NKAIN2: variants seen among roughly 807,000 people sequenced by gnomAD.
NKAIN2 encodes sodium/potassium transporting ATPase interacting 2, also known as sodium/potassium-transporting ATPase subunit beta-1-interacting protein 2.
NKAIN2 carries 14 observed loss-of-function variants against 32.6 expected under a neutral mutation model. The observed-to-expected ratio is 0.43, with a 90% confidence interval of 0.28 to 0.67. The LOEUF is 0.67. NKAIN2 is among the 30% of genes least tolerant of loss of function. The pLI is 0.17. For synonymous variants in NKAIN2, 80 were observed against 87.2 expected (o/e 0.92, Z 0.46); for missense variants, 198 against 258.3 (o/e 0.77, Z 1.60).
intron 1 of NKAIN2, among the ~76,000 whole-genome samples, chr6:124,256,760 A>T (rs1279792773): frequency 2.0e-5 from 3 of 152,172 alleles, no homozygotes; most frequent in Non-Finnish European, 4.4e-5. Flanking sequence ...GATACATTGT[A>T]AACACTAATA....
chr6:124,039,617 G>C (rs1200036829), intron 1 of NKAIN2, among the ~76,000 whole-genome samples: 1 of 151,404 alleles, frequency 6.6e-6, no homozygotes, highest in African/African-American at 2.4e-5. Context: ...TCAAAAATTG[G>C]GCATTTAATT....
chr6:124,681,475 T>G (rs186088422), intron 4 of NKAIN2, among the ~76,000 whole-genome samples: 1 of 152,070 alleles, frequency 6.6e-6, no homozygotes, highest in Non-Finnish European at 1.5e-5. Flanking sequence ...AGAGAATAAT[T>G]AATAGCTTGA....
At chr6:124,807,040 G>A (rs1164879346) in intron 5 of NKAIN2, among the ~76,000 whole-genome samples, 2 of 151,860 alleles carry the variant, frequency 1.3e-5, no homozygotes, top group African/African-American at 4.8e-5. Context: ...ATTAATAATG[G>A]GAGACTTTAA....
intron 4 of NKAIN2, among the ~76,000 whole-genome samples, chr6:124,693,358 G>A (rs1464781689): frequency 6.6e-6 from 1 of 152,182 alleles, no homozygotes; most frequent in Admixed American, 6.5e-5. Flanking sequence ...GCTTAGGTGT[G>A]TAGTGACCTA....
At chr6:124,264,416 T>C (rs1794391695) in intron 1 of NKAIN2, among the ~76,000 whole-genome samples, 1 of 152,186 alleles carries the variant, frequency 6.6e-6, no homozygotes, top group South Asian at 2.1e-4. Flanking sequence ...TATTAAACTT[T>C]GAAAGGTTAT....
chr6:124,787,033 C>T (rs890275725), intron 4 of NKAIN2, among the ~76,000 whole-genome samples: 2 of 151,986 alleles, frequency 1.3e-5, no homozygotes, highest in Non-Finnish European at 2.9e-5. Context: ...TCCATCTCTC[C>T]GTACCCCTCT....
intron 1 of NKAIN2, among the ~76,000 whole-genome samples, chr6:124,009,764 G>T (rs1780237578): frequency 6.6e-6 from 1 of 152,184 alleles, no homozygotes; most frequent in Non-Finnish European, 1.5e-5. Context: ...AATGCATGGT[G>T]CTGAGTAGAC....
chr6:123,813,685 G>A (rs1367006672), intron 1 of NKAIN2, among the ~76,000 whole-genome samples: 1 of 152,006 alleles, frequency 6.6e-6, no homozygotes, highest in African/African-American at 2.4e-5. Flanking sequence ...GGTGTTGCGT[G>A]CCTGTAGTCT....
intron 4 of NKAIN2, among the ~76,000 whole-genome samples, chr6:124,699,575 A>C (rs1316008964): frequency 1.3e-5 from 2 of 152,124 alleles, no homozygotes; most frequent in East Asian, 3.9e-4. Context: ...CTTGTAATAG[A>C]GAGTTCTCAT....
intron 1 of NKAIN2, among the ~76,000 whole-genome samples, chr6:124,176,952 C>CT (rs1789187350): frequency 6.6e-6 from 1 of 151,964 alleles, no homozygotes; most frequent in South Asian, 2.1e-4. Flanking sequence ...CCTAGTATGA[C>CT]TTTTTTAAAA....
intron 3 of NKAIN2, among the ~76,000 whole-genome samples, chr6:124,393,500 C>T (rs922589022): frequency 6.6e-6 from 1 of 152,128 alleles, no homozygotes; most frequent in Non-Finnish European, 1.5e-5. Context: ...CGCTTCTTCT[C>T]TCTAAAGTTA....
chr6:123,947,195 C>T (rs990361131), intron 1 of NKAIN2, among the ~76,000 whole-genome samples: 11 of 152,126 alleles, frequency 7.2e-5, no homozygotes, highest in Non-Finnish European at 1.5e-4. Context: ...CCTTTGTCTT[C>T]AGATCAGGTC....
intron 1 of NKAIN2, among the ~76,000 whole-genome samples, chr6:124,144,365 T>A (rs191105013): frequency 9.2e-4 from 140 of 152,152 alleles, no homozygotes; most frequent in Non-Finnish European, 6.8e-4. Context: ...ATGAAAGAGG[T>A]GACATTGCGT....
At chr6:124,547,966 T>A (rs112310046) in intron 3 of NKAIN2, among the ~76,000 whole-genome samples, 70 of 152,324 alleles carry the variant, frequency 4.6e-4, no homozygotes, top group African/African-American at 1.6e-3. Context: ...TTTGTTTCAA[T>A]ACTGTCATAC....
chr6:124,379,083 C>G (rs1249754076), intron 3 of NKAIN2, among the ~76,000 whole-genome samples: 2 of 139,410 alleles, frequency 1.4e-5, no homozygotes, highest in Non-Finnish European at 3.1e-5. Context: ...CAGAGCGAAA[C>G]CTTGTCTCAA....
intron 1 of NKAIN2, among the ~76,000 whole-genome samples, chr6:123,888,750 T>C (rs545640417): frequency 6.6e-6 from 1 of 152,296 alleles, no homozygotes; most frequent in African/African-American, 2.4e-5. Flanking sequence ...TATATATTTA[T>C]TCCTTTCAAA....
intron 1 of NKAIN2, among the ~76,000 whole-genome samples, chr6:124,240,674 G>A (rs1389892783): frequency 2.0e-5 from 3 of 151,966 alleles, no homozygotes; most frequent in African/African-American, 7.2e-5. Flanking sequence ...ATGCAGAAAA[G>A]GCCTTCAAAA....
chr6:124,489,609 T>A (rs974282248), intron 3 of NKAIN2, among the ~76,000 whole-genome samples: 2 of 151,928 alleles, frequency 1.3e-5, no homozygotes, highest in Admixed American at 6.6e-5. Flanking sequence ...CAGTGTTGAA[T>A]ATCTCATATA....
At chr6:123,867,264 A>G (rs1215130506) in intron 1 of NKAIN2, among the ~76,000 whole-genome samples, 2 of 152,232 alleles carry the variant, frequency 1.3e-5, no homozygotes, top group East Asian at 3.8e-4. Context: ...CCTGTCTTAA[A>G]AATTTGTCAG....
Sources: gnomAD v4.1 joint callset for allele counts (sites outside exome capture counted in the v4.1 genomes callset) on GRCh38, gnomAD v4.1.1 for gene constraint, MANE v1.5 for transcripts, NCBI Gene and HGNC (gene_info 2026-07-23, HGNC 2026-07-21) for gene names.